The following BDNF variants were observed in gnomAD, a reference collection of about 807,000 sequenced individuals.
The protein encoded by BDNF is neurotrophic factor BDNF precursor form.
In BDNF, 1 loss-of-function variant was observed where a neutral mutation model predicts 19.5. That is an observed-to-expected ratio of 0.05 (90% CI 0.02 to 0.24). The LOEUF (loss-of-function observed/expected upper bound fraction) is 0.24. BDNF is among the 10% of genes least tolerant of loss of function. BDNF has a pLI of 1.00. For synonymous variants in BDNF, 100 were observed against 121.6 expected (o/e 0.82, Z 1.17); for missense variants, 195 against 317.6 (o/e 0.61, Z 2.93).
chr11:27,674,030 A>G (rs1332356658), intron 1 of BDNF: 3 of 1,525,788 alleles, frequency 2.0e-6, no homozygotes, highest in Non-Finnish European at 2.6e-6. Context: ...AAAATTAGCA[A>G]GAGAAGGCTA....
chr11:27,709,409 CCA>C (rs146513405), intron 1 of BDNF, among the ~76,000 whole-genome samples: 3,979 of 152,104 alleles, frequency 0.026, 165 homozygotes, highest in African/African-American at 0.09. Flanking sequence ...TTTTGTCCTA[CCA>C]TTTTGAAATT....
chr11:27,718,422 T>A (rs1860611671), intron 1 of BDNF, among the ~76,000 whole-genome samples: 1 of 131,686 alleles, frequency 7.6e-6, no homozygotes. Flanking sequence ...TGCAGATCCG[T>A]ATTTAAAACA....
intron 1 of BDNF, among the ~76,000 whole-genome samples, chr11:27,709,180 G>A (rs1014141336): frequency 2.6e-5 from 4 of 152,158 alleles, no homozygotes; most frequent in African/African-American, 9.7e-5. Context: ...ATTAGTAGCT[G>A]TTGTTTTCTT....
At position 27,697,160 on chromosome 11, in the gene BDNF, CACACAGAGAG is replaced by C. The variant is rs1281108709; in HGVS notation, c.-22+2994_-22+3003del. Among the ~76,000 whole-genome samples, 153 of 117,928 alleles carry C rather than the reference CACACAGAGAG, an allele frequency of 1.3e-3. 1 individual carries two copies. The highest frequency in any genetic ancestry group is 3.5e-3 in the South Asian group (12 of 3,382). 77.4% of individuals were successfully genotyped at this position (117,928 alleles called of 152,430 possible). On this transcript the variant is annotated intron_variant, in intron 1 of 1. Transcript: ENST00000356660. Reference sequence around the variant, plus strand: ...ACGTGCACGCACACACACACACACACACACAGAGAGAGAGAGAGAGAGAGAGAGAGAGAGA... The same window carrying C: ...ACGTGCACGCACACACACACACACACAGAGAGAGAGAGAGAGAGAGAGAGA...
At chr11:27,697,122 T>C (rs1248386039) in intron 1 of BDNF, among the ~76,000 whole-genome samples, 1 of 145,870 alleles carries the variant, frequency 6.9e-6, no homozygotes, top group East Asian at 2.1e-4. Context: ...TCTCCCCCTC[T>C]ACACACACGC....
At chr11:27,720,745 G>GCTTAAAAAT in intron 1 of BDNF, 1 of 986,154 alleles carries the variant, frequency 1.0e-6, no homozygotes, top group Non-Finnish European at 1.2e-6. Context: ...GGAGGAAAAG[G>GCTTAAAAAT]CTTAAAAATC....
intron 1 of BDNF, among the ~76,000 whole-genome samples, chr11:27,691,752 A>T (rs961872381): frequency 6.6e-6 from 1 of 152,220 alleles, no homozygotes; most frequent in Admixed American, 6.5e-5. Flanking sequence ...ATAAATTATT[A>T]AAGAAAAAAA....
intron 1 of BDNF, among the ~76,000 whole-genome samples, chr11:27,680,934 T>A (rs1265805857): frequency 6.6e-6 from 1 of 152,140 alleles, no homozygotes; most frequent in African/African-American, 2.4e-5. Context: ...CAGCCTCAAT[T>A]TCAGTGCAAG....
chr11:27,660,753 C>A (rs1853326942), intron 1 of BDNF, among the ~76,000 whole-genome samples: 1 of 144,614 alleles, frequency 6.9e-6, no homozygotes. Context: ...CCTGGGTGAC[C>A]AGAGTGAAAC....
chr11:27,695,520 G>A (rs1858878267), intron 1 of BDNF, among the ~76,000 whole-genome samples: 1 of 152,158 alleles, frequency 6.6e-6, no homozygotes, highest in Admixed American at 6.5e-5. Flanking sequence ...GAACCAAGAT[G>A]AAAGCATGTT....
chr11:27,673,933 G>A, intron 1 of BDNF: 1 of 1,130,310 alleles, frequency 8.8e-7, no homozygotes, highest in Non-Finnish European at 1.2e-6. Context: ...ACAGGTGATG[G>A]AAGAAACTGG....
At chr11:27,715,884 A>G (rs1860489535) in intron 1 of BDNF, among the ~76,000 whole-genome samples, 1 of 152,244 alleles carries the variant, frequency 6.6e-6, no homozygotes, top group Non-Finnish European at 1.5e-5. Context: ...GTACTATATG[A>G]ATCTAAAGTG....
At chr11:27,693,991 G>A (rs1858646945) in intron 1 of BDNF, among the ~76,000 whole-genome samples, 1 of 151,630 alleles carries the variant, frequency 6.6e-6, no homozygotes, top group Admixed American at 6.6e-5. Flanking sequence ...TTCTGAAAAA[G>A]AAAGTTTTCT....
In BDNF at chr11:27,657,644, CT is replaced by C. The variant is rs538121499; in HGVS notation, c.*176del. 65 of 1,417,230 alleles carry C rather than the reference CT, an allele frequency of 4.6e-5. No individual in the cohort carries two copies. In the African/African-American group the frequency reaches 8.2e-4, roughly 18 times the overall value. The allele number at this position is 1,417,230 out of a possible 1,614,324, so 87.8% of individuals were successfully genotyped here. A position where few individuals can be genotyped will look rare whatever the true frequency, so the allele number is the denominator to read the frequency against. ...TTGTGCGCAAATGACTGTTTCCCTT[CT>C]GGTCATGGACATGTCCAATAAATAG... On this transcript the variant is annotated 3_prime_UTR_variant, in exon 2 of 2. Coordinates refer to ENST00000356660, the MANE Select transcript of BDNF (RefSeq NM_001709.5). The surrounding 1 kb of genome is among the most constrained non-coding windows in gnomAD (Gnocchi z 5.0).
intron 1 of BDNF, chr11:27,674,423 C>T: frequency 6.9e-7 from 1 of 1,450,214 alleles, no homozygotes; most frequent in East Asian, 2.5e-5. Context: ...CTAGCCACTG[C>T]TCTACCCCAG....
At chr11:27,697,192 G>GAGAGAGAA (rs1339061452) in intron 1 of BDNF, among the ~76,000 whole-genome samples, 1 of 151,394 alleles carries the variant, frequency 6.6e-6, no homozygotes, top group Non-Finnish European at 1.5e-5. Flanking sequence ...GAGAGAGAGA[G>GAGAGAGAA]AGAGCACCCC....
At chr11:27,674,179 CA>C (rs1855779140) in intron 1 of BDNF, 1 of 1,609,014 alleles carries the variant, frequency 6.2e-7, no homozygotes, top group Non-Finnish European at 8.5e-7. Flanking sequence ...GGGTAGACGC[CA>C]AAACATGTGT....
chr11:27,659,090 A>G, intron 1 of BDNF: 10 of 1,018,594 alleles, frequency 9.8e-6, no homozygotes, highest in Non-Finnish European at 1.2e-5. Context: ...TGTGATGTCT[A>G]GGCATGAATA....
chr11:27,714,776 G>A (rs1329786441), intron 1 of BDNF, among the ~76,000 whole-genome samples: 6 of 152,014 alleles, frequency 3.9e-5, no homozygotes, highest in African/African-American at 1.4e-4. Context: ...AACTTGGAAC[G>A]GAAGTGGAAT....
Sources: allele counts gnomAD v4.1 joint callset (sites outside exome capture counted in the v4.1 genomes callset), GRCh38; gene constraint gnomAD v4.1.1; non-coding constraint Gnocchi (gnomAD v3.1); transcripts MANE v1.5; gene names NCBI Gene and HGNC (gene_info 2026-07-23, HGNC 2026-07-21).